The following TIGD3 variants were observed in gnomAD, a reference collection of about 807,000 sequenced individuals.
TIGD3 encodes tigger transposable element derived 3.
TIGD3 carries 7 observed loss-of-function variants against 14.8 expected under a neutral mutation model. The observed-to-expected ratio is 0.47, with a 90% confidence interval of 0.27 to 0.89. TIGD3 has a LOEUF of 0.89. Among genes scored for constraint, TIGD3 ranks in the 40% least tolerant of loss-of-function variants. The pLI, the probability that TIGD3 is intolerant of heterozygous loss-of-function variation, is 0.13. For synonymous variants in TIGD3, 243 were observed against 269.4 expected (o/e 0.90, Z 0.96); for missense variants, 581 against 611.0 (o/e 0.95, Z 0.52).
chr11:65,355,454 C>G (rs1157325661), intron 1 of TIGD3, among the ~76,000 whole-genome samples: 2 of 151,122 alleles, frequency 1.3e-5, no homozygotes, highest in Non-Finnish European at 3.0e-5. Context: ...CACCTGCCCC[C>G]TCGGCCCCAG....
intron 1 of TIGD3, among the ~76,000 whole-genome samples, chr11:65,355,479 C>A (rs1259821351): frequency 6.6e-6 from 1 of 151,396 alleles, no homozygotes; most frequent in Non-Finnish European, 1.5e-5. Context: ...AGGCCCTCCC[C>A]CGTCCGTATG....
intron 1 of TIGD3, among the ~76,000 whole-genome samples, 158 bp downstream of exon 1, chr11:65,355,115 A>G (rs1279727503): frequency 5.3e-5 from 8 of 151,174 alleles, no homozygotes; most frequent in African/African-American, 9.7e-5. Context: ...CTCCCAGGCC[A>G]CCACCCTCCC....
At chr11:65,355,149 CTG>C in intron 1 of TIGD3, among the ~76,000 whole-genome samples, 192 bp downstream of exon 1, 1 of 152,186 alleles carries the variant, frequency 6.6e-6, no homozygotes, top group South Asian at 2.1e-4. Context: ...CGCCCCTCCG[CTG>C]CCCGCAGCCT....
At position 65,356,507 on chromosome 11, in the gene TIGD3, C is replaced by G. The variant is rs200557368; in HGVS notation, c.699C>G (p.Ala233=). The change falls in exon 2 of 2, where the codon GCC becomes GCG. Residue 233 remains alanine, a synonymous_variant. Coordinates refer to ENST00000309880, the MANE Select transcript of TIGD3 (RefSeq NM_145719.3). The surrounding 1 kb of genome is among the most constrained non-coding windows in gnomAD (Gnocchi z 5.2). The part of the protein sequence containing the change: ...FFGIRSEALP[A]SYHPDLGIPW... ...GGATCCGCAGTGAGGCTCTGCCTGC[C>G]TCCTACCACCCGGACCTGGGCATCC... 9 of 1,606,790 alleles carry G rather than the reference C, an allele frequency of 5.6e-6. No individual in the cohort carries two copies. In the African/African-American group the frequency reaches 1.2e-4, roughly 21 times the overall value.
At chr11:65,355,751 C>T (rs986188057) in intron 1 of TIGD3, 42 bp from the exon 2 acceptor site, 2 of 1,503,256 alleles carry the variant, frequency 1.3e-6, no homozygotes, top group African/African-American at 2.8e-5. Flanking sequence ...GCTCTTCCGG[C>T]CTCAGATTAC....
chr11:65,355,233 T>C (rs1854831261), intron 1 of TIGD3, among the ~76,000 whole-genome samples: 1 of 151,524 alleles, frequency 6.6e-6, no homozygotes, highest in South Asian at 2.1e-4. Context: ...CCCTCAGGAC[T>C]GACCGTCGCC....
chr11:65,355,629 GC>G (rs1349397200), intron 1 of TIGD3, among the ~76,000 whole-genome samples, 163 bp from the exon 2 acceptor site: 1 of 151,866 alleles, frequency 6.6e-6, no homozygotes, highest in Admixed American at 6.6e-5. Flanking sequence ...TGGGGACGGG[GC>G]CAGCCGGCTT....
rs187118421 is a variant in TIGD3 at position 65,355,680 on chromosome 11, C to G, written c.-16-113C>G. ...CACTTCCTCTTTCAGCGGGTCCAGT[C>G]TCACCCGGTGCCTGCGCAAGTCCTC... On this transcript the variant is annotated intron_variant, in intron 1 of 1. Coordinates refer to ENST00000309880, the MANE Select transcript of TIGD3 (RefSeq NM_145719.3). 644 of 912,174 alleles carry G rather than the reference C, an allele frequency of 7.1e-4. 6 individuals carry two copies. The African/African-American group carries it at 9.9e-3, about 14-fold the overall frequency. 56.5% of individuals were successfully genotyped at this position (912,174 alleles called of 1,614,324 possible).
intron 1 of TIGD3, 102 bp from the exon 2 acceptor site, chr11:65,355,691 C>G (rs1854839488): frequency 1.0e-6 from 1 of 990,750 alleles, no homozygotes; most frequent in Non-Finnish European, 1.5e-6. Context: ...TCACCCGGTG[C>G]CTGCGCAAGT....
At chr11:65,355,359 AC>A (rs1038406875) in intron 1 of TIGD3, among the ~76,000 whole-genome samples, 1 of 48,968 alleles carries the variant, frequency 2.0e-5, no homozygotes, top group African/African-American at 7.9e-5. Context: ...CCCACCTCCC[AC>A]CCCCCAGCGG....
rs1854869378 is a variant in TIGD3 at position 65,357,126 on chromosome 11, A to C, written c.1318A>C (p.Thr440Pro). Residue 440 changes from threonine to proline, a missense_variant, in exon 2 of 2, where the codon ACC becomes CCC. Coordinates refer to ENST00000309880, the MANE Select transcript of TIGD3 (RefSeq NM_145719.3). ...AGCTGATGCCCTCCGGGCCCTGGGC[A>C]CCTTGAGGAGGTGGTTTGAATGCAA... is the stretch of plus-strand genomic sequence containing the variant. ...TKADALRALG[T>P]LRRWFECNST... 6.2e-7 allele frequency: 1 copy of C among 1,614,122 alleles called. No individual in the cohort carries two copies. The highest frequency in any genetic ancestry group is 2.2e-5 in the East Asian group (1 of 44,890).
In TIGD3 at chr11:65,356,821, T is replaced by C; in HGVS notation, c.1013T>C (p.Leu338Pro). ...LAEAGAGITV[L>P]DALHVASAAW... Reference sequence around the variant, plus strand: ...GAGGCCGGGGCAGGCATCACCGTGCTGGACGCCCTGCACGTGGCGTCTGCC... The same window carrying C: ...GAGGCCGGGGCAGGCATCACCGTGCCGGACGCCCTGCACGTGGCGTCTGCC... Residue 338 changes from leucine to proline, a missense_variant, in exon 2 of 2, where the codon CTG (leucine) becomes CCG (proline). By Grantham distance (98) the Leu-to-Pro change is moderately conservative. Transcript: ENST00000309880. The surrounding 1 kb of genome is among the most constrained non-coding windows in gnomAD (Gnocchi z 5.2). 1 of 1,613,100 alleles carries C rather than the reference T, an allele frequency of 6.2e-7. No individual in the cohort carries two copies. The highest frequency in any genetic ancestry group is 1.1e-5 in the South Asian group (1 of 91,078).
rs747272236 is a variant in TIGD3, at chr11:65,356,614, T to C, written c.806T>C (p.Val269Ala). The part of the protein sequence containing the change: ...RQVALLLAAR[V>A]VEELAGLPGL... ...GTGGCTTTGCTGCTGGCTGCCCGAG[T>C]GGTGGAGGAGCTGGCAGGCCTGCCT... The change falls in exon 2 of 2, where the codon GTG becomes GCG. Residue 269 changes from valine to alanine, a missense_variant. Physicochemically the swap from Val to Ala is moderately conservative, Grantham distance 64. Transcript: ENST00000309880. This position sits in a 1 kb window ranked among gnomAD's most constrained non-coding sequence, Gnocchi z 5.2. 6.2e-6 allele frequency: 10 copies of C among 1,611,728 alleles called. No homozygotes were observed. Among genetic ancestry groups the C allele is most frequent in the Middle Eastern group, 1.7e-4 (1 of 6,054 alleles).
rs1361883607 is a variant in TIGD3, at chr11:65,356,272, C to T, written c.464C>T (p.Thr155Ile). 1.2e-6 allele frequency: 2 copies of T among 1,612,910 alleles called. No homozygotes were observed. The highest frequency in any genetic ancestry group is 1.3e-5 in the African/African-American group (1 of 74,950). The change falls in exon 2 of 2, where the codon ACA becomes ATA. Residue 155 changes from threonine to isoleucine, a missense_variant. Coordinates refer to ENST00000309880, the MANE Select transcript of TIGD3 (RefSeq NM_145719.3). This position sits in a 1 kb window ranked among gnomAD's most constrained non-coding sequence, Gnocchi z 5.2. ...CCTGAGCCACCTCCCCCGGGGCTCA[C>T]ATCCCAGGCTCAGCTGCCTCTTTCC... ...FPPEPPPPGL[T>I]SQAQLPLSLK...
chr11:65,355,285 C>T (rs1301301914), intron 1 of TIGD3, among the ~76,000 whole-genome samples: 1 of 152,112 alleles, frequency 6.6e-6, no homozygotes, highest in Non-Finnish European at 1.5e-5. Context: ...AGCCTCGCTC[C>T]TTCAGACACC....
chr11:65,356,545 G>C lies in TIGD3; in HGVS notation c.737G>C (p.Trp246Ser). The change falls in exon 2 of 2, where the codon TGG (tryptophan) becomes TCG (serine). Residue 246 changes from tryptophan to serine, a missense_variant. Transcript: ENST00000309880. This position sits in a 1 kb window ranked among gnomAD's most constrained non-coding sequence, Gnocchi z 5.2. ...HPDLGIPWLEWLAQFDRDMGQ... is the reference protein window; with the variant it reads ...HPDLGIPWLESLAQFDRDMGQ... ...GACCTGGGCATCCCCTGGTTAGAGT[G>C]GTTGGCACAGTTTGACCGGGACATG... The C allele has an allele frequency of 1.2e-6, 2 of 1,607,370 alleles. No homozygotes were observed. Among genetic ancestry groups the C allele is most frequent in the Non-Finnish European group, 1.7e-6 (2 of 1,179,952 alleles).
rs1590614953 is a variant in TIGD3 at position 65,356,682 on chromosome 11, A to C, written c.874A>C (p.Thr292Pro). The change falls in exon 2 of 2, where the codon ACC becomes CCC. Residue 292 changes from threonine to proline, a missense_variant. Coordinates refer to ENST00000309880, the MANE Select transcript of TIGD3 (RefSeq NM_145719.3). The surrounding 1 kb of genome is among the most constrained non-coding windows in gnomAD (Gnocchi z 5.2). Reference sequence around the variant, plus strand: ...GCTCTTGCCTCTGGCCGCCTCTAGCACCACGCCTCCCCTGCCCAGCTCAGT... The same window carrying C: ...GCTCTTGCCTCTGGCCGCCTCTAGCCCCACGCCTCCCCTGCCCAGCTCAGT... ...VKLLPLAASS[T>P]TPPLPSSVVR... The C allele has an allele frequency of 6.2e-7, 1 of 1,613,304 alleles. No individual in the cohort carries two copies. Among genetic ancestry groups the C allele is most frequent in the Middle Eastern group, 1.7e-4 (1 of 6,052 alleles).
chr11:65,357,286 C>T lies in TIGD3; in HGVS notation c.*62C>T. 1.4e-6 allele frequency: 2 copies of T among 1,469,070 alleles called. No individual in the cohort carries two copies. The highest frequency in any genetic ancestry group is 1.9e-6 in the Non-Finnish European group (2 of 1,064,858). The allele number at this position is 1,469,070 out of a possible 1,614,324, so 91.0% of individuals were successfully genotyped here. On this transcript the variant is annotated 3_prime_UTR_variant, in exon 2 of 2. Coordinates refer to ENST00000309880, the MANE Select transcript of TIGD3 (RefSeq NM_145719.3). ...TTGTTTCCCATGGAAACGGCCTCTT[C>T]AGAAGGCAGATCGGGCTGTCTCTTT...
chr11:65,356,045 C>A lies in TIGD3; in HGVS notation c.237C>A (p.Ile79=). ...AGCGGGAGTCCAAGTACAGCGGGAT[C>A]GACGAGGCTCTGCTCTGCTGGTACC... ...KRKRESKYSG[I]DEALLCWYHI... is the part of the protein sequence containing the mutation. The change falls in exon 2 of 2, where the codon ATC becomes ATA. Residue 79 remains isoleucine, a synonymous_variant. Coordinates refer to ENST00000309880, the MANE Select transcript of TIGD3 (RefSeq NM_145719.3). This position sits in a 1 kb window ranked among gnomAD's most constrained non-coding sequence, Gnocchi z 5.2. 1 of 1,612,872 alleles carries A rather than the reference C, an allele frequency of 6.2e-7. No homozygotes were observed. Among genetic ancestry groups the A allele is most frequent in the South Asian group, 1.1e-5 (1 of 91,070 alleles).
Sources: gnomAD v4.1 joint callset for allele counts (sites outside exome capture counted in the v4.1 genomes callset) on GRCh38, gnomAD v4.1.1 for gene constraint, Gnocchi (gnomAD v3.1) non-coding constraint, MANE v1.5 for transcripts, NCBI Gene and HGNC (gene_info 2026-07-23, HGNC 2026-07-21) for gene names.